The following GALNT2 variants were observed in gnomAD, a reference collection of about 807,000 sequenced individuals.
The protein encoded by GALNT2 is polypeptide N-acetylgalactosaminyltransferase 2, also known as UDP-GalNAc:polypeptide N-acetylgalactosaminyltransferase 2.
GALNT2 carries 31 observed loss-of-function variants against 81.4 expected under a neutral mutation model. The observed-to-expected ratio is 0.38, with a 90% CI of 0.29 to 0.51. The LOEUF (loss-of-function observed/expected upper bound fraction) is 0.51. Ranked by LOEUF, GALNT2 falls within the 20% of genes least tolerant of loss-of-function variation. The pLI is 0.87. For synonymous variants in GALNT2, 303 were observed against 287.4 expected, an observed-to-expected ratio of 1.05 and a Z score of -0.55; for missense variants, 629 against 765.7, an observed-to-expected ratio of 0.82 and a Z score of 2.11.
intron 1 of GALNT2, among the ~76,000 whole-genome samples, chr1:230,173,484 G>C (rs72651074): frequency 6.6e-6 from 1 of 152,182 alleles, no homozygotes; most frequent in Non-Finnish European, 1.5e-5. Flanking sequence ...CTTTGAGGGT[G>C]GTGGAAACAA....
chr1:230,093,399 A>G (rs555902466), intron 1 of GALNT2, among the ~76,000 whole-genome samples: 2 of 80,486 alleles, frequency 2.5e-5, no homozygotes, highest in East Asian at 7.7e-4. Flanking sequence ...AAGGAGGAGC[A>G]TTAGATCACA....
chr1:230,165,168 T>G (rs1662561939), intron 1 of GALNT2, among the ~76,000 whole-genome samples: 1 of 152,260 alleles, frequency 6.6e-6, no homozygotes, highest in Admixed American at 6.5e-5. Context: ...TTCTCCACTC[T>G]TAACACAATC....
At chr1:230,081,912 T>C (rs1262712709) in intron 1 of GALNT2, among the ~76,000 whole-genome samples, 2 of 152,220 alleles carry the variant, frequency 1.3e-5, no homozygotes, top group East Asian at 3.8e-4. Context: ...TTTCCTTGTC[T>C]GGAAAAGAGA....
chr1:230,248,474 C>A (rs1665445574), intron 8 of GALNT2, among the ~76,000 whole-genome samples: 1 of 152,144 alleles, frequency 6.6e-6, no homozygotes, highest in Non-Finnish European at 1.5e-5. Context: ...TGTGTGTGAC[C>A]CTGGGAGCAA....
At chr1:230,128,196 G>T (rs1279192682) in intron 1 of GALNT2, among the ~76,000 whole-genome samples, 1 of 152,012 alleles carries the variant, frequency 6.6e-6, no homozygotes, top group Non-Finnish European at 1.5e-5. Flanking sequence ...CTATAGCATA[G>T]CCTCTCTGTC....
chr1:230,167,803 A>T (rs567242724), intron 1 of GALNT2, among the ~76,000 whole-genome samples: 1 of 152,122 alleles, frequency 6.6e-6, no homozygotes, highest in Admixed American at 6.5e-5. Flanking sequence ...CGGCTGCTCC[A>T]CTGTGGCCCT....
intron 9 of GALNT2, among the ~76,000 whole-genome samples, 161 bp downstream of exon 9, chr1:230,249,432 C>T (rs977309471): frequency 2.6e-5 from 4 of 152,188 alleles, no homozygotes; most frequent in Admixed American, 2.6e-4. Flanking sequence ...TCCACCAGGT[C>T]ATAGAATAAA....
intron 1 of GALNT2, among the ~76,000 whole-genome samples, chr1:230,068,475 TTAGTGTCACCGCAAA>T (rs1484193855): frequency 5.3e-5 from 8 of 152,222 alleles, no homozygotes; most frequent in Admixed American, 4.6e-4. Flanking sequence ...ACTGTGACAT[TTAGTGTCACCGCAAA>T]CCCAGAAAAT....
At chr1:230,132,153 A>T (rs1172624539) in intron 1 of GALNT2, among the ~76,000 whole-genome samples, 2 of 152,192 alleles carry the variant, frequency 1.3e-5, no homozygotes, top group East Asian at 3.9e-4. Flanking sequence ...TTCTACATTC[A>T]TCCCTTCAAT....
At chr1:230,187,445 A>C (rs964580662) in intron 2 of GALNT2, among the ~76,000 whole-genome samples, 3 of 152,026 alleles carry the variant, frequency 2.0e-5, no homozygotes, top group African/African-American at 4.8e-5. Context: ...GGCTGGGGTG[A>C]GTGCTTTTGG....
chr1:230,142,433 G>A (rs1164204399), intron 1 of GALNT2, among the ~76,000 whole-genome samples: 6 of 152,308 alleles, frequency 3.9e-5, no homozygotes, highest in Non-Finnish European at 2.9e-5. Flanking sequence ...AAGGGCCCGG[G>A]CTTATATCCA....
At chr1:230,183,623 A>G (rs1663227036) in intron 2 of GALNT2, among the ~76,000 whole-genome samples, 1 of 152,238 alleles carries the variant, frequency 6.6e-6, no homozygotes, top group Non-Finnish European at 1.5e-5. Context: ...AGAATACATG[A>G]TGGAATATAT....
At chr1:230,258,654 C>T (rs985622110) in intron 11 of GALNT2, 1 of 152,252 alleles carries the variant, frequency 6.6e-6, no homozygotes, top group Middle Eastern at 3.4e-3. Flanking sequence ...TGCTTCTGAC[C>T]AAATTATCTT....
intron 1 of GALNT2, among the ~76,000 whole-genome samples, chr1:230,060,573 A>G (rs1039585405): frequency 6.6e-6 from 1 of 152,040 alleles, no homozygotes; most frequent in Non-Finnish European, 1.5e-5. Flanking sequence ...TTATCCAACT[A>G]AGAAATGTCT....
At chr1:230,216,556 G>A (rs898909271) in intron 3 of GALNT2, among the ~76,000 whole-genome samples, 16 of 152,156 alleles carry the variant, frequency 1.1e-4, no homozygotes, top group Admixed American at 2.0e-4. Flanking sequence ...CCCCTGAGTA[G>A]CTAAGACTAC....
At position 230,157,997 on chromosome 1, in the gene GALNT2, G is replaced by GA. The variant is rs997949356; in HGVS notation, c.127-20213dup. ...ATTATACTTTTAATTTAAAAGCAGA[G>GA]AAAAAAAATCATAAGCCAAGTCAGG... On this transcript the variant is annotated intron_variant, in intron 1 of 15. Transcript: ENST00000366672. 5.9e-5 allele frequency among the ~76,000 whole-genome samples: 9 copies of GA among 152,052 alleles called. No homozygotes were observed. In the South Asian group the frequency reaches 1.2e-3, roughly 21 times the overall value.
At chr1:230,186,383 A>G (rs2102692513) in intron 2 of GALNT2, among the ~76,000 whole-genome samples, 1 of 152,286 alleles carries the variant, frequency 6.6e-6, no homozygotes, top group African/African-American at 2.4e-5. Flanking sequence ...CCTCCCTGTC[A>G]TCTTTCCAGC....
intron 1 of GALNT2, among the ~76,000 whole-genome samples, chr1:230,086,912 AC>A (rs1473903463): frequency 6.6e-6 from 1 of 152,076 alleles, no homozygotes; most frequent in Non-Finnish European, 1.5e-5. Flanking sequence ...TTAGACAAGT[AC>A]CTTTCTATGT....
chr1:230,091,357 A>G (rs899508263), intron 1 of GALNT2, among the ~76,000 whole-genome samples: 34 of 152,000 alleles, frequency 2.2e-4, no homozygotes, highest in African/African-American at 7.5e-4. Context: ...TACAGGTGTG[A>G]GCCATTGTGC....
Sources: allele counts gnomAD v4.1 joint callset (sites outside exome capture counted in the v4.1 genomes callset), GRCh38; gene constraint gnomAD v4.1.1; transcripts MANE v1.5; gene names NCBI Gene and HGNC (gene_info 2026-07-23, HGNC 2026-07-21).